NFRKB: variants seen among roughly 807,000 people sequenced by gnomAD.
NFRKB encodes the protein nuclear factor related to kappaB binding protein, also known as nuclear factor related to kappa-B-binding protein.
In NFRKB, 62 loss-of-function variants were observed where a neutral mutation model predicts 135.7. The observed-to-expected ratio is 0.46, with a 90% confidence interval of 0.37 to 0.56. The LOEUF (loss-of-function observed/expected upper bound fraction) is 0.56, where lower values mean the gene tolerates loss of function less well. Among genes scored for constraint, NFRKB ranks in the 20% least tolerant of loss-of-function variants. The probability of loss-of-function intolerance (pLI) is 0.00; values close to 1 mark genes in which losing one functional copy is unlikely to be tolerated. For synonymous variants in NFRKB, 678 were observed against 635.6 expected (o/e 1.07, Z -1.00); for missense variants, 1,545 against 1,662.0 (o/e 0.93, Z 1.22).
intron 24 of NFRKB, among the ~76,000 whole-genome samples, chr11:129,867,544 T>G (rs1414173810): frequency 6.6e-6 from 1 of 152,154 alleles, no homozygotes; most frequent in Non-Finnish European, 1.5e-5. Context: ...CTCGAACTCC[T>G]GACCTCAGGT....
intron 24 of NFRKB, among the ~76,000 whole-genome samples, chr11:129,867,128 A>G (rs1009163097): frequency 6.6e-5 from 10 of 152,190 alleles, no homozygotes; most frequent in Non-Finnish European, 1.0e-4. Flanking sequence ...GACAGGGGGA[A>G]GTAAGCACCA....
In NFRKB at chr11:129,864,358, T is replaced by A. The variant is rs1163857662; in HGVS notation, c.*367A>T. 5.2e-6 allele frequency: 1 copy of A among 194,114 alleles called. No homozygotes were observed. Among genetic ancestry groups the A allele is most frequent in the Non-Finnish European group, 1.1e-5 (1 of 93,966 alleles). The allele number at this position is 194,114 out of a possible 1,614,324, so 12.0% of individuals were successfully genotyped here. A position where few individuals can be genotyped will look rare whatever the true frequency, so the allele number is the denominator to read the frequency against. On this transcript the variant is annotated 3_prime_UTR_variant, in exon 27 of 27. Transcript: ENST00000682444. Reference sequence around the variant, plus strand: ...ATGGAGAAGACCAGAAGCCAAAAAATACAATCCTCATGGAGAACCAGCCTA... The same window carrying A: ...ATGGAGAAGACCAGAAGCCAAAAAAAACAATCCTCATGGAGAACCAGCCTA...
At chr11:129,876,991 A>G in intron 16 of NFRKB, 96 bp from the exon 17 acceptor site, 4 of 1,191,330 alleles carry the variant, frequency 3.4e-6, no homozygotes, top group East Asian at 2.4e-5. Flanking sequence ...TGGAACAATT[A>G]AAACAGGAAG....
In NFRKB at chr11:129,869,569, G is replaced by A. The variant is rs1948390760; in HGVS notation, c.3456C>T (p.Pro1152=). 6.2e-7 allele frequency: 1 copy of A among 1,614,140 alleles called. No individual in the cohort carries two copies. Among genetic ancestry groups the A allele is most frequent in the Non-Finnish European group, 8.5e-7 (1 of 1,180,032 alleles). ...TGGGGGCTCCTGTGCTGATGCTGAT[G>A]GGGGTGCTTGCAGCCCCAGAAGCCA... ...VAVASGAAST[P]ISISTGAPTV... The change falls in exon 24 of 27, where the codon CCC becomes CCT. Residue 1152 remains proline, a synonymous_variant. Coordinates refer to ENST00000682444, the MANE Select transcript of NFRKB (RefSeq NM_001143835.2).
intron 22 of NFRKB, 71 bp downstream of exon 22, chr11:129,873,674 C>T (rs1948624306): frequency 3.8e-6 from 6 of 1,566,120 alleles, no homozygotes; most frequent in Non-Finnish European, 5.2e-6. Context: ...CCAGACACTG[C>T]CCATCTGACT....
At chr11:129,889,035 A>G (rs1003870724) in intron 3 of NFRKB, among the ~76,000 whole-genome samples, 1 of 151,486 alleles carries the variant, frequency 6.6e-6, no homozygotes, top group African/African-American at 2.4e-5. Context: ...CTGGAGTGCA[A>G]TGGCACGATC....
rs184668384 is a variant in NFRKB at position 129,893,695 on chromosome 11, G to T, written c.-22+664C>A. Among the ~76,000 whole-genome samples, 124 of 152,288 alleles carry T rather than the reference G, an allele frequency of 8.1e-4. 2 individuals carry two copies. The Middle Eastern group carries it at 0.041, about 50-fold the overall frequency. On this transcript the variant is annotated intron_variant, in intron 2 of 26. Transcript: ENST00000682444. ...CTTTATGAGGGCCTATTAAAAGCCA[G>T]GCCTTTCACATATCTCATTTAATTC...
intron 24 of NFRKB, among the ~76,000 whole-genome samples, chr11:129,869,101 T>C (rs754387712): frequency 6.6e-6 from 1 of 152,188 alleles, no homozygotes; most frequent in Non-Finnish European, 1.5e-5. Context: ...TGTACATGTA[T>C]GAAAATGCTC....
chr11:129,875,263 A>C, intron 18 of NFRKB, 94 bp downstream of exon 18: 2 of 1,053,422 alleles, frequency 1.9e-6, no homozygotes, highest in Non-Finnish European at 2.8e-6. Context: ...CACTTCATTC[A>C]GTTTTTAAAA....
intron 24 of NFRKB, among the ~76,000 whole-genome samples, chr11:129,868,974 C>T (rs143483244): frequency 6.1e-4 from 93 of 151,598 alleles, no homozygotes; most frequent in African/African-American, 2.3e-3. Context: ...GAGCCGAGAT[C>T]GTGCCATTGC....
Position 129,864,819 on chromosome 11 carries a change from A to G in NFRKB, c.3806T>C (p.Leu1269Pro), listed in dbSNP as rs757553280. The G allele has an allele frequency of 1.9e-6, 3 of 1,614,144 alleles. No individual in the cohort carries two copies. Among genetic ancestry groups the G allele is most frequent in the African/African-American group, 2.7e-5 (2 of 75,048 alleles). Residue 1269 changes from leucine (L) to proline (P), a missense_variant, in exon 27 of 27, where the codon CTC becomes CCC. Around this residue, in one of 3 missense-constraint regions of NFRKB, gnomAD observed 753 missense variants for 804.3 expected, o/e 0.94. Transcript: ENST00000682444. ...VRIQTVPASH[L>P]QQGTASGSSK... ...GGAGCCAGAAGCTGTTCCCTGTTGG[A>G]GATGGGATGCAGGGACAGTCTGGAT...
intron 24 of NFRKB, 124 bp downstream of exon 24, chr11:129,869,369 GC>G (rs1420455481): frequency 1.9e-6 from 2 of 1,055,178 alleles, no homozygotes; most frequent in African/African-American, 3.2e-5. Flanking sequence ...TGCTTTTAGG[GC>G]CTCTAATTTC....
chr11:129,889,235 T>C (rs1949423182), intron 3 of NFRKB, among the ~76,000 whole-genome samples: 1 of 152,110 alleles, frequency 6.6e-6, no homozygotes, highest in African/African-American at 2.4e-5. Flanking sequence ...GTGCTGGGAT[T>C]ACAGGCATGA....
chr11:129,893,588 A>G (rs1256069652), intron 2 of NFRKB, among the ~76,000 whole-genome samples: 4 of 152,016 alleles, frequency 2.6e-5, no homozygotes, highest in African/African-American at 9.7e-5. Flanking sequence ...AAAAAGAGAA[A>G]GAATATTGTT....
chr11:129,891,624 T>C (rs1949563551), intron 3 of NFRKB, among the ~76,000 whole-genome samples: 2 of 152,270 alleles, frequency 1.3e-5, no homozygotes, highest in Admixed American at 1.3e-4. Context: ...TTAGCACCAT[T>C]AGCACCACTG....
chr11:129,866,896 G>C (rs527692884), intron 24 of NFRKB, among the ~76,000 whole-genome samples: 1 of 152,132 alleles, frequency 6.6e-6, no homozygotes, highest in Non-Finnish European at 1.5e-5. Flanking sequence ...ACAACTGCGC[G>C]GCAGGTCCCC....
chr11:129,874,240 T>A lies in NFRKB; in HGVS notation c.2152A>T (p.Thr718Ser). The change falls in exon 21 of 27, where the codon ACC (threonine) becomes TCC (serine). Residue 718 changes from threonine (T) to serine (S), a missense_variant. Around this residue, in one of 3 missense-constraint regions of NFRKB, gnomAD observed 753 missense variants for 804.3 expected, o/e 0.94. Coordinates refer to ENST00000682444, the MANE Select transcript of NFRKB (RefSeq NM_001143835.2). This position sits in a 1 kb window ranked among gnomAD's most constrained non-coding sequence, Gnocchi z 4.5. ...MSLSDSSMPPTPVTPVTPTTP... is the reference protein window; with the variant it reads ...MSLSDSSMPPSPVTPVTPTTP... ...GTGGGGGTTACAGGTGTGACTGGGG[T>A]GGGTGGCATACTGGAGTCACTGAGG... 6.6e-7 allele frequency: 1 copy of A among 1,517,172 alleles called. No homozygotes were observed. 94.0% of individuals were successfully genotyped at this position (1,517,172 alleles called of 1,614,324 possible).
intron 23 of NFRKB, among the ~76,000 whole-genome samples, chr11:129,871,691 G>T (rs575637716): frequency 1.3e-5 from 2 of 152,116 alleles, no homozygotes; most frequent in African/African-American, 2.4e-5. Flanking sequence ...TCCCATCTGC[G>T]GCAGCCTTGC....
intron 4 of NFRKB, among the ~76,000 whole-genome samples, chr11:129,888,002 A>G (rs1157909839): frequency 6.6e-6 from 1 of 152,186 alleles, no homozygotes; most frequent in Non-Finnish European, 1.5e-5. Flanking sequence ...GCGCCACTGC[A>G]CTCCAGCCTG....
Sources: allele counts gnomAD v4.1 joint callset (sites outside exome capture counted in the v4.1 genomes callset), GRCh38; gene constraint gnomAD v4.1.1; regional missense constraint gnomAD v4.1.1; non-coding constraint Gnocchi (gnomAD v3.1); transcripts MANE v1.5; gene names NCBI Gene and HGNC (gene_info 2026-07-23, HGNC 2026-07-21).